Variants in MCCC2 observed in about 807,000 individuals in gnomAD.
The protein encoded by MCCC2 is methylcrotonoyl-CoA carboxylase beta chain, mitochondrial.
A neutral mutation model predicts 77.2 loss-of-function variants in MCCC2; 52 were observed. That is an observed-to-expected ratio of 0.67 (90% confidence interval 0.54 to 0.85). The LOEUF is 0.85. Among genes scored for constraint, MCCC2 ranks in the 40% least tolerant of loss-of-function variants. The pLI, the probability that MCCC2 is intolerant of heterozygous loss-of-function variation, is 0.00. For synonymous variants in MCCC2, 253 were observed against 248.4 expected, an observed-to-expected ratio of 1.02 and a Z score of -0.18; for missense variants, 682 against 703.2, an observed-to-expected ratio of 0.97 and a Z score of 0.34.
At chr5:71,618,719 G>A (rs1368840623) in intron 6 of MCCC2, among the ~76,000 whole-genome samples, 1 of 151,940 alleles carries the variant, frequency 6.6e-6, no homozygotes, top group Admixed American at 6.6e-5. Context: ...CTCAGTCTTG[G>A]GTATTCTGTT....
intron 16 of MCCC2, among the ~76,000 whole-genome samples, chr5:71,654,379 G>C (rs539302370): frequency 6.6e-6 from 1 of 152,154 alleles, no homozygotes; most frequent in South Asian, 2.1e-4. Flanking sequence ...TTATTGTGGT[G>C]GTTTGATTCA....
intron 10 of MCCC2, 188 bp downstream of exon 10, chr5:71,635,434 C>CT (rs2112439077): frequency 4.3e-6 from 3 of 691,124 alleles, no homozygotes; most frequent in Admixed American, 4.1e-5. Flanking sequence ...AGAGTAAATA[C>CT]TGAAAGAGGG....
In MCCC2 at chr5:71,643,610, G is replaced by A. The variant is rs7379830; in HGVS notation, c.1073-209G>A. Among the ~76,000 whole-genome samples the A allele has an allele frequency of 0.75, 113,509 of 152,080 alleles. 42,855 individuals are homozygous for A. Among genetic ancestry groups the A allele is most frequent in the East Asian group, 0.89 (4,609 of 5,178 alleles). On this transcript the variant is annotated intron_variant, in intron 11 of 16. Coordinates refer to ENST00000340941, the MANE Select transcript of MCCC2 (RefSeq NM_022132.5). ...ACAAATGGATAACTCTACATGTATC[G>A]TGACCCTTTCTAGAAGCAAAAGAAA...
In MCCC2 at chr5:71,587,511, C is replaced by T; in HGVS notation, c.86C>T (p.Ala29Val). 1 of 1,538,126 alleles carries T rather than the reference C, an allele frequency of 6.5e-7. No homozygotes were observed. Residue 29 changes from alanine to valine, a missense_variant, in exon 1 of 17, where the codon GCC becomes GTC. Ala to Val is a moderately conservative substitution (Grantham distance 64). Coordinates refer to ENST00000340941, the MANE Select transcript of MCCC2 (RefSeq NM_022132.5). ...CGCGCCTATCACGGGGACTCGGTGG[C>T]CTCGCTGGGCACCCAGCCGGACTTG... ...GPRAYHGDSVASLGTQPDLGS... is the reference protein window; with the variant it reads ...GPRAYHGDSVVSLGTQPDLGS...
intron 4 of MCCC2, among the ~76,000 whole-genome samples, chr5:71,602,149 C>T (rs1369768480): frequency 1.3e-5 from 2 of 151,870 alleles, no homozygotes; most frequent in African/African-American, 2.4e-5. Flanking sequence ...TCCCTTGAGA[C>T]TTGGATTTTT....
At chr5:71,651,223 T>C (rs1310878401) in intron 15 of MCCC2, among the ~76,000 whole-genome samples, 1 of 152,212 alleles carries the variant, frequency 6.6e-6, no homozygotes, top group Non-Finnish European at 1.5e-5. Flanking sequence ...GTTCTTTCTA[T>C]TTTACTTTTA....
rs1747465502 is a variant in MCCC2, at chr5:71,652,613, T to C, written c.1489-56T>C. On this transcript the variant is annotated intron_variant, in intron 15 of 16. Coordinates refer to ENST00000340941, the MANE Select transcript of MCCC2 (RefSeq NM_022132.5). Reference sequence around the variant, plus strand: ...TTGTTTCTTTTGAATTGAGATGATCTAAACAGGGCCAGTTGTTCACTGAAG... The same window carrying C: ...TTGTTTCTTTTGAATTGAGATGATCCAAACAGGGCCAGTTGTTCACTGAAG... 4 of 1,347,718 alleles carry C rather than the reference T, an allele frequency of 3.0e-6. No homozygotes were observed. The Admixed American group carries it at 6.8e-5, about 23-fold the overall frequency. 83.5% of individuals were successfully genotyped at this position (1,347,718 alleles called of 1,614,324 possible). A position where few individuals can be genotyped will look rare whatever the true frequency, so the allele number is the denominator to read the frequency against.
At position 71,650,097 on chromosome 5, in the gene MCCC2, G is replaced by A. The variant is rs1284572725; in HGVS notation, c.1402G>A (p.Ala468Thr). The A allele has an allele frequency of 1.2e-6, 2 of 1,614,144 alleles. No individual in the cohort carries two copies. Among genetic ancestry groups the A allele is most frequent in the Non-Finnish European group, 8.5e-7 (1 of 1,180,008 alleles). Residue 468 changes from alanine to threonine, a missense_variant, in exon 15 of 17, where the codon GCT (alanine) becomes ACT (threonine). Ala to Thr is a moderately conservative substitution (Grantham distance 58). Coordinates refer to ENST00000340941, the MANE Select transcript of MCCC2 (RefSeq NM_022132.5). ...SPRFLYIWPN[A>T]RISVMGGEQA... ...AAGATTTCTCTACATTTGGCCAAAT[G>A]CTCGTATCTCAGTGATGGGAGGAGA...
chr5:71,621,320 T>C (rs2112395492), intron 6 of MCCC2, among the ~76,000 whole-genome samples: 1 of 152,030 alleles, frequency 6.6e-6, no homozygotes, highest in African/African-American at 2.4e-5. Context: ...TGGGCAATAT[T>C]GGGAGGCCTC....
At chr5:71,608,602 AATTTGATCCTGTCATTATGATGTT>A (rs1201220964) in intron 6 of MCCC2, among the ~76,000 whole-genome samples, 2 of 151,838 alleles carry the variant, frequency 1.3e-5, no homozygotes, top group Non-Finnish European at 2.9e-5. Context: ...GTTATGTGTG[AATTTGATCCTGTCATTATGATGTT>A]AGCTGGTGAT....
chr5:71,639,485 T>C (rs1408596891), intron 10 of MCCC2, among the ~76,000 whole-genome samples: 1 of 152,152 alleles, frequency 6.6e-6, no homozygotes, highest in Non-Finnish European at 1.5e-5. Context: ...TTCAGGGAAC[T>C]GAAGAGAGTT....
At chr5:71,622,692 T>A (rs920544791) in intron 6 of MCCC2, among the ~76,000 whole-genome samples, 2 of 152,208 alleles carry the variant, frequency 1.3e-5, no homozygotes, top group Non-Finnish European at 2.9e-5. Context: ...TGTGACTGGC[T>A]TCTTTCACTT....
chr5:71,644,023 G>C, intron 12 of MCCC2, 128 bp downstream of exon 12: 1 of 1,076,308 alleles, frequency 9.3e-7, no homozygotes, highest in Non-Finnish European at 1.4e-6. Flanking sequence ...AGAACACTGT[G>C]TGCGCGGGCA....
chr5:71,627,179 G>C (rs277997), intron 7 of MCCC2, among the ~76,000 whole-genome samples: 60,967 of 152,194 alleles, frequency 0.4, 12,727 homozygotes, highest in South Asian at 0.47. Flanking sequence ...GTGCCCTTCA[G>C]TGTTAAGGCT....
At chr5:71,646,548 C>T (rs892537493) in intron 13 of MCCC2, among the ~76,000 whole-genome samples, 5 of 152,112 alleles carry the variant, frequency 3.3e-5, no homozygotes, top group African/African-American at 7.2e-5. Context: ...TTTTGTAAGA[C>T]GTAGTTTCAC....
At chr5:71,600,775 G>C (rs1223928650) in intron 4 of MCCC2, among the ~76,000 whole-genome samples, 1 of 152,152 alleles carries the variant, frequency 6.6e-6, no homozygotes, top group Non-Finnish European at 1.5e-5. Flanking sequence ...AATGGTCTTA[G>C]GTATTACTAG....
chr5:71,641,047 A>G lies in MCCC2; in HGVS notation c.1044A>G (p.Lys348=). 6.2e-7 allele frequency: 1 copy of G among 1,614,094 alleles called. No homozygotes were observed. The highest frequency in any genetic ancestry group is 1.1e-5 in the South Asian group (1 of 91,080). The change falls in exon 11 of 17, where the codon AAA becomes AAG. Residue 348 remains lysine, a synonymous_variant. Transcript: ENST00000340941. ...ATGGAAGCAGATTCACTGAGTTCAA[A>G]GCCTTTTATGGAGACACATTAGTTA... ...IVDGSRFTEF[K]AFYGDTLVTG...
chr5:71,643,716 A>T (rs966375695), intron 11 of MCCC2, 103 bp from the exon 12 acceptor site: 2 of 1,608,480 alleles, frequency 1.2e-6, no homozygotes, highest in South Asian at 2.2e-5. Context: ...TGCATTTTAA[A>T]CTTGGATCTG....
chr5:71,649,403 T>C (rs567682819), intron 14 of MCCC2, 150 bp downstream of exon 14: 3 of 761,122 alleles, frequency 3.9e-6, no homozygotes, highest in Middle Eastern at 3.2e-4. Flanking sequence ...AGGGGTGAAA[T>C]GAAATTTAAT....
Sources: allele counts gnomAD v4.1 joint callset (sites outside exome capture counted in the v4.1 genomes callset), GRCh38; gene constraint gnomAD v4.1.1; transcripts MANE v1.5; gene names NCBI Gene and HGNC (gene_info 2026-07-23, HGNC 2026-07-21).